Variants in ZNF883 observed in about 807,000 individuals in gnomAD.
The protein encoded by ZNF883 is zinc finger protein 883.
exon 1 of ZNF883, chr9:112,997,901 G>A (rs1391565600): frequency 6.2e-7 from 1 of 1,613,866 alleles, no homozygotes; most frequent in Non-Finnish European, 8.5e-7. Context: ...TTTTTCTCCA[G>A]TATGGATTCT....
chr9:113,001,976 T>C (rs1351555956), upstream of ZNF883: 1 of 152,150 alleles, frequency 6.6e-6, no homozygotes, highest in African/African-American at 2.4e-5. Flanking sequence ...ATTTTGGCAT[T>C]GGAGAAACTG....
chr9:112,991,460 G>T (rs922319637), intron 1 of ZNF883, among the ~76,000 whole-genome samples: 1 of 147,144 alleles, frequency 6.8e-6, no homozygotes, highest in Non-Finnish European at 1.5e-5. Flanking sequence ...TGTGATTTAT[G>T]ATTTCAGTTC....
At chr9:113,009,208 C>T (rs542129220) in intron 2 of ZNF883, among the ~76,000 whole-genome samples, 33 of 152,284 alleles carry the variant, frequency 2.2e-4, no homozygotes, top group African/African-American at 7.7e-4. Context: ...CTTAATAGAG[C>T]TGAATAAACA....
chr9:113,010,849 G>C (rs1828527738), intron 2 of ZNF883, among the ~76,000 whole-genome samples: 1 of 151,942 alleles, frequency 6.6e-6, no homozygotes, highest in Admixed American at 6.6e-5. Context: ...AGCCGGGCGT[G>C]GTGGTGCACG....
At chr9:113,002,555 ACT>A (rs528801485), upstream of ZNF883, among the ~76,000 whole-genome samples, 1 of 152,166 alleles carries the variant, frequency 6.6e-6, no homozygotes, top group South Asian at 2.1e-4. Flanking sequence ...GGATGTGGGA[ACT>A]CTCTGTAATA....
At chr9:112,997,123 C>T (rs1482083701) in exon 1 of ZNF883, 2 of 1,591,682 alleles carry the variant, frequency 1.3e-6, no homozygotes, top group Admixed American at 3.5e-5. Flanking sequence ...ACACTCATTA[C>T]TCTGCTAAGG....
At chr9:112,993,882 A>T (rs1207848833), downstream of ZNF883, among the ~76,000 whole-genome samples, 1 of 152,112 alleles carries the variant, frequency 6.6e-6, no homozygotes, top group Non-Finnish European at 1.5e-5. Context: ...CTGGGTCCAA[A>T]CTACCCAGTC....
chr9:112,992,861 G>T (rs1750488477), downstream of ZNF883, among the ~76,000 whole-genome samples: 1 of 152,094 alleles, frequency 6.6e-6, no homozygotes, highest in Admixed American at 6.6e-5. Flanking sequence ...AGTCTATTTG[G>T]TTATTGATAC....
chr9:112,992,908 T>C (rs1462847145), downstream of ZNF883, among the ~76,000 whole-genome samples: 1 of 152,240 alleles, frequency 6.6e-6, no homozygotes, highest in Non-Finnish European at 1.5e-5. Flanking sequence ...GTTGTGTTTT[T>C]CCGCTCCATC....
At chr9:112,999,298 C>G (rs1828398424), upstream of ZNF883, among the ~76,000 whole-genome samples, 1 of 152,176 alleles carries the variant, frequency 6.6e-6, no homozygotes, top group Admixed American at 6.5e-5. Flanking sequence ...TTTCTCTACT[C>G]ACAACATTTC....
At position 113,005,647 on chromosome 9, in the gene ZNF883, T is replaced by G. The variant is rs1453107007; in HGVS notation, n.166-3574A>C. 2.0e-5 allele frequency among the ~76,000 whole-genome samples: 3 copies of G among 152,246 alleles called. No individual in the cohort carries two copies. In the East Asian group the frequency reaches 5.8e-4, roughly 29 times the overall value. On this transcript the variant is annotated intron_variant and non_coding_transcript_variant, in intron 2 of 4. Coordinates refer to the ZNF883 transcript ENST00000638622. ...ACAAATTACCTTTGAGTCATAAACATTGTTAATAATAGTTATATTACCTGC... is the reference window on the plus strand; with the variant it reads ...ACAAATTACCTTTGAGTCATAAACAGTGTTAATAATAGTTATATTACCTGC...
intron 2 of ZNF883, among the ~76,000 whole-genome samples, chr9:113,006,306 T>A (rs1358805790): frequency 6.6e-6 from 1 of 152,062 alleles, no homozygotes; most frequent in Non-Finnish European, 1.5e-5. Flanking sequence ...GAGCACCCCC[T>A]CTTCCCAGAA....
At chr9:113,011,921 G>T (rs753549127) in intron 1 of ZNF883, among the ~76,000 whole-genome samples, 1 of 152,098 alleles carries the variant, frequency 6.6e-6, no homozygotes, top group African/African-American at 2.4e-5. Context: ...GAGCAGACAC[G>T]GCTTTGCCTC....
upstream of ZNF883, chr9:112,998,865 T>A (rs1828392975): frequency 6.6e-6 from 1 of 152,164 alleles, no homozygotes; most frequent in South Asian, 2.1e-4. Flanking sequence ...TTAAAAAGCT[T>A]TGGTCTTTGG....
At chr9:113,002,409 G>GA (rs1828434743), upstream of ZNF883, among the ~76,000 whole-genome samples, 1 of 151,368 alleles carries the variant, frequency 6.6e-6, no homozygotes, top group South Asian at 2.1e-4. Flanking sequence ...TCAGAGAGTA[G>GA]AAAAATGACA....
intron 2 of ZNF883, among the ~76,000 whole-genome samples, chr9:113,010,658 CATG>C (rs1404090768): frequency 6.6e-6 from 1 of 152,066 alleles, no homozygotes; most frequent in Non-Finnish European, 1.5e-5. Context: ...ACATGTTACA[CATG>C]ATGAATATAT....
chr9:112,997,058 G>C (rs925528857), downstream of ZNF883: 9 of 1,452,638 alleles, frequency 6.2e-6, no homozygotes, highest in African/African-American at 1.3e-4. Context: ...AGGGTTGCTT[G>C]AACTGTGAGT....
intron 2 of ZNF883, among the ~76,000 whole-genome samples, chr9:113,004,422 TTC>T (rs1828456180): frequency 1.3e-5 from 2 of 152,188 alleles, no homozygotes; most frequent in Non-Finnish European, 2.9e-5. Context: ...CCTCTCAAAA[TTC>T]ATATGTTGAA....
At chr9:113,012,177 G>A (rs1313362922) in exon 1 of ZNF883, 1 of 152,158 alleles carries the variant, frequency 6.6e-6, no homozygotes, top group Non-Finnish European at 1.5e-5. Context: ...AAAGAGCACG[G>A]TCGGGCGATG....
Sources: allele counts gnomAD v4.1 joint callset (sites outside exome capture counted in the v4.1 genomes callset), GRCh38; gene constraint gnomAD v4.1.1; transcripts MANE v1.5; gene names NCBI Gene and HGNC (gene_info 2026-07-23, HGNC 2026-07-21).